The following BIRC6 variants were observed in gnomAD, a reference collection of about 807,000 sequenced individuals.
The protein encoded by BIRC6 is baculoviral IAP repeat containing 6, also known as dual E2 ubiquitin-conjugating enzyme/E3 ubiquitin-protein ligase BIRC6.
A neutral mutation model predicts 503.3 loss-of-function variants in BIRC6; 98 were observed. The ratio of observed to expected loss-of-function variants is 0.19; its 90% CI spans 0.17 to 0.23. The LOEUF (loss-of-function observed/expected upper bound fraction) is 0.23, where lower values mean the gene tolerates loss of function less well. BIRC6 is among the 10% of genes least tolerant of loss of function. The pLI is 1.00. For missense variants in BIRC6, 5,360 were observed against 5,806.0 expected (o/e 0.92, Z 2.50); for synonymous variants, 2,240 against 2,078.7 (o/e 1.08, Z -2.11).
At chr2:32,465,203 T>TTTCTTTG in intron 26 of BIRC6, 39 bp downstream of exon 26, 3 of 1,094,900 alleles carry the variant, frequency 2.7e-6, no homozygotes, top group Non-Finnish European at 3.8e-6. Flanking sequence ...TTTTTTTTTT[T>TTTCTTTG]TGCTTAGTCT....
At chr2:32,616,665 C>T (rs1313993884) in intron 73 of BIRC6, among the ~76,000 whole-genome samples, 1 of 151,540 alleles carries the variant, frequency 6.6e-6, no homozygotes, top group African/African-American at 2.4e-5. Context: ...AGACATTTTA[C>T]ATATGGCCTA....
intron 51 of BIRC6, 134 bp downstream of exon 51, chr2:32,508,393 TAA>T: frequency 8.4e-7 from 1 of 1,194,258 alleles, no homozygotes; most frequent in Non-Finnish European, 1.1e-6. Flanking sequence ...GGTATCTGTA[TAA>T]TACAATTTTA....
At chr2:32,536,565 C>T (rs959935880) in intron 61 of BIRC6, among the ~76,000 whole-genome samples, 1 of 152,118 alleles carries the variant, frequency 6.6e-6, no homozygotes. Flanking sequence ...AATAGGGAAT[C>T]CTTTCCCCAT....
At chr2:32,552,817 C>T (rs2058513831) in intron 65 of BIRC6, among the ~76,000 whole-genome samples, 1 of 150,582 alleles carries the variant, frequency 6.6e-6, no homozygotes, top group African/African-American at 2.5e-5. Context: ...ATAGTAGCCA[C>T]TTAAAAAATT....
rs2051156921 is a variant in BIRC6, at chr2:32,487,674, AT to A, written c.7843del (p.Ser2615HisfsTer3). On this transcript the variant is annotated frameshift_variant, in exon 41 of 74. Transcript: ENST00000421745. LOFTEE classifies it high-confidence loss of function. ...TLSQSPTGTD[D>X]SLLGGLQAAN... ...TCACAGTCTCCCACTGGAACAGATG[AT>A]TCACTTCTAGGGGGTTTACAAGCAG... 1 of 1,613,412 alleles carries A rather than the reference AT, an allele frequency of 6.2e-7. No individual in the cohort carries two copies. The highest frequency in any genetic ancestry group is 1.3e-5 in the African/African-American group (1 of 74,892).
In BIRC6 at chr2:32,543,316, G is replaced by A. The variant is rs933129887; in HGVS notation, c.12367G>A (p.Glu4123Lys). 1 of 1,613,996 alleles carries A rather than the reference G, an allele frequency of 6.2e-7. No individual in the cohort carries two copies. The highest frequency in any genetic ancestry group is 8.5e-7 in the Non-Finnish European group (1 of 1,179,890). Residue 4123 changes from glutamate to lysine, a missense_variant, in exon 62 of 74, where the codon GAA becomes AAA. By Grantham distance (56) the Glu-to-Lys change is moderately conservative. Around this residue, in one of 16 missense-constraint regions of BIRC6, gnomAD observed 878 missense variants for 928.9 expected, o/e 0.95. Transcript: ENST00000421745. ...DSDQFEWVTI[E>K]QSGELVYEAP... is the part of the protein sequence containing the mutation. ...CGATCAGTTTGAATGGGTGACCATT[G>A]AACAGTCAGGGGAGTTAGTTTATGA...
Position 32,416,152 on chromosome 2 carries a change from C to A in BIRC6, c.2861C>A (p.Ala954Glu). ...TGTTCTGGCACAGACAGGCTGTGTGCATGCACCAAAGGTAAGTTGTCTGAT... is the reference window on the plus strand; with the variant it reads ...TGTTCTGGCACAGACAGGCTGTGTGAATGCACCAAAGGTAAGTTGTCTGAT... ...IYCSGTDRLCACTKGGELHFL... is the reference protein window; with the variant it reads ...IYCSGTDRLCECTKGGELHFL... Residue 954 changes from alanine to glutamate, a missense_variant, in exon 10 of 74, where the codon GCA (alanine) becomes GAA (glutamate). Transcript: ENST00000421745. 1 of 1,595,096 alleles carries A rather than the reference C, an allele frequency of 6.3e-7. No homozygotes were observed.
At position 32,415,145 on chromosome 2, in the gene BIRC6, A is replaced by G. The variant is rs1463884914; in HGVS notation, c.1854A>G (p.Leu618=). The change falls in exon 10 of 74, where the codon CTA becomes CTG. Residue 618 remains leucine (L), a synonymous_variant. Coordinates refer to ENST00000421745, the MANE Select transcript of BIRC6 (RefSeq NM_016252.4). ...ATGAATCCTGCACTAATTCAGAACT[A>G]AATTCTCCTCTGGTAAGGAGGACTT... ...TDNESCTNSE[L]NSPLVRRTLP... 1.2e-6 allele frequency: 2 copies of G among 1,614,010 alleles called. No homozygotes were observed. Among genetic ancestry groups the G allele is most frequent in the South Asian group, 1.1e-5 (1 of 91,076 alleles).
intron 9 of BIRC6, among the ~76,000 whole-genome samples, chr2:32,412,889 A>T (rs1313645604): frequency 6.6e-6 from 1 of 152,176 alleles, no homozygotes; most frequent in African/African-American, 2.4e-5. Context: ...AAATTCTGTT[A>T]CTTTGATATT....
At chr2:32,562,942 A>G (rs2059296800) in intron 65 of BIRC6, among the ~76,000 whole-genome samples, 1 of 152,090 alleles carries the variant, frequency 6.6e-6, no homozygotes, top group South Asian at 2.1e-4. Flanking sequence ...TCACTGATCT[A>G]TTTGTTTATT....
chr2:32,450,929 A>AT (rs1390973246), intron 22 of BIRC6, among the ~76,000 whole-genome samples: 1 of 152,036 alleles, frequency 6.6e-6, no homozygotes, highest in Non-Finnish European at 1.5e-5. Flanking sequence ...TCAGCCATTC[A>AT]TTTTTTTCCC....
intron 65 of BIRC6, among the ~76,000 whole-genome samples, chr2:32,553,786 A>G (rs1328053625): frequency 6.6e-6 from 1 of 152,198 alleles, no homozygotes; most frequent in Non-Finnish European, 1.5e-5. Context: ...AGATTTATCA[A>G]AGGTTAACAT....
chr2:32,431,277 C>T (rs1485032607), intron 12 of BIRC6, among the ~76,000 whole-genome samples, 187 bp downstream of exon 12: 2 of 135,088 alleles, frequency 1.5e-5, no homozygotes, highest in East Asian at 2.3e-4. Flanking sequence ...CTCACTGCAA[C>T]CACTGCCTCC....
Position 32,406,484 on chromosome 2 carries a change from GT to G in BIRC6, c.1419-9del. ...TTTTGAAATTCAAATTGTTTACTTT[GT>G]TTTTTGATTTAAGTGATGATTTACT... On this transcript the variant is annotated splice_polypyrimidine_tract_variant and intron_variant, in intron 8 of 73. Transcript: ENST00000421745. 6.3e-7 allele frequency: 1 copy of G among 1,592,450 alleles called. No homozygotes were observed. Among genetic ancestry groups the G allele is most frequent in the Non-Finnish European group, 8.6e-7 (1 of 1,163,682 alleles).
chr2:32,556,919 A>G (rs952987728), intron 65 of BIRC6, among the ~76,000 whole-genome samples: 2 of 145,102 alleles, frequency 1.4e-5, no homozygotes, highest in South Asian at 2.3e-4. Context: ...AACCTAAGTG[A>G]CAGAGCAAGA....
chr2:32,379,346 A>G (rs1287439781), intron 2 of BIRC6: 3 of 152,204 alleles, frequency 2.0e-5, no homozygotes, highest in Non-Finnish European at 4.4e-5. Flanking sequence ...AATCAGCAGC[A>G]AAAAAACACT....
intron 39 of BIRC6, among the ~76,000 whole-genome samples, chr2:32,483,819 T>G (rs1341777659): frequency 6.6e-6 from 1 of 152,184 alleles, no homozygotes; most frequent in Non-Finnish European, 1.5e-5. Context: ...CCCCCAACAT[T>G]TCATTCAATT....
chr2:32,357,318 T>A lies in BIRC6; in HGVS notation c.157T>A (p.Ser53Thr). The A allele has an allele frequency of 6.5e-7, 1 of 1,534,240 alleles. No individual in the cohort carries two copies. Among genetic ancestry groups the A allele is most frequent in the Non-Finnish European group, 8.8e-7 (1 of 1,142,318 alleles). ...SAAGAGAAGV[S>T]EWLVLRDGCM... Reference sequence around the variant, plus strand: ...GGCGGGGGCGGGGGCGGCCGGGGTCTCAGAGTGGCTGGTGCTGCGGGACGG... The same window carrying A: ...GGCGGGGGCGGGGGCGGCCGGGGTCACAGAGTGGCTGGTGCTGCGGGACGG... The change falls in exon 1 of 74, where the codon TCA becomes ACA. Residue 53 changes from serine (S) to threonine (T), a missense_variant. This residue lies in a region of BIRC6 where 145 missense variants were observed against 106.9 expected (regional missense o/e 1.36). Transcript: ENST00000421745. The surrounding 1 kb of genome is among the most constrained non-coding windows in gnomAD (Gnocchi z 4.9).
At chr2:32,476,434 C>G in intron 34 of BIRC6, 90 bp downstream of exon 34, 1 of 1,362,420 alleles carries the variant, frequency 7.3e-7, no homozygotes, top group South Asian at 1.5e-5. Context: ...ATATACATTA[C>G]TCTGCTTAAC....
Sources: allele counts gnomAD v4.1 joint callset (sites outside exome capture counted in the v4.1 genomes callset), GRCh38; gene constraint gnomAD v4.1.1; regional missense constraint gnomAD v4.1.1; non-coding constraint Gnocchi (gnomAD v3.1); transcripts MANE v1.5; gene names NCBI Gene and HGNC (gene_info 2026-07-23, HGNC 2026-07-21).